The following DIPK2B variants were observed in gnomAD, a reference collection of about 807,000 sequenced individuals.
DIPK2B encodes the protein divergent protein kinase domain 2B, also known as UPF0672 protein CXorf36.
Under a neutral mutation model 22.2 loss-of-function variants are expected in DIPK2B, and 15 were observed. The ratio of observed to expected loss-of-function variants is 0.68; its 90% confidence interval spans 0.45 to 1.04. DIPK2B has a LOEUF of 1.04. Ranked by LOEUF, DIPK2B falls within the 50% of genes least tolerant of loss-of-function variation. The probability of loss-of-function intolerance (pLI) is 0.00; values close to 1 mark genes in which losing one functional copy is unlikely to be tolerated. For synonymous variants in DIPK2B, 163 were observed against 153.2 expected (o/e 1.06, Z -0.47); for missense variants, 345 against 348.3 (o/e 0.99, Z 0.08).
intron 4 of DIPK2B, among the ~76,000 whole-genome samples, chrX:45,152,411 A>G (rs2046966848): frequency 9.0e-6 from 1 of 110,510 alleles, no homozygotes; most frequent in Non-Finnish European, 1.9e-5. Context: ...TTTCCCTGTC[A>G]CCAGGAGATT....
At chrX:45,174,200 C>A (rs143459979) in intron 2 of DIPK2B, among the ~76,000 whole-genome samples, 1 of 111,634 alleles carries the variant, frequency 9.0e-6, no homozygotes, top group Non-Finnish European at 1.9e-5. Flanking sequence ...GGGACTCTTC[C>A]GTCAAACCAA....
rs1327264096 is a variant in DIPK2B at position 45,162,549 on chromosome X, G to A, written c.499-4661C>T. The A allele has an allele frequency of 8.0e-6, 6 of 752,190 alleles. No individual in the cohort carries two copies. In the South Asian group the frequency reaches 2.0e-4, roughly 26 times the overall value. 62.0% of individuals were successfully genotyped at this position (752,190 alleles called of 1,213,427 possible). ...CATGTGCAAACCCACAATTATATTG[G>A]CCAATGGCAAACAGAATTGGGAAAC... On this transcript the variant is annotated intron_variant, in intron 2 of 4. Transcript: ENST00000398000.
At chrX:45,185,000 T>C (rs2047174328) in intron 2 of DIPK2B, among the ~76,000 whole-genome samples, 1 of 112,222 alleles carries the variant, frequency 8.9e-6, no homozygotes, top group Non-Finnish European at 1.9e-5. Context: ...TCTTTAATAT[T>C]TCTACTTTAA....
intron 4 of DIPK2B, among the ~76,000 whole-genome samples, chrX:45,153,171 A>G (rs1464343144): frequency 9.0e-6 from 1 of 111,686 alleles, no homozygotes; most frequent in Admixed American, 9.6e-5. Context: ...AAACAAAATC[A>G]GAAATTAGAA....
intron 2 of DIPK2B, among the ~76,000 whole-genome samples, chrX:45,176,155 A>C (rs749296740): frequency 2.5e-4 from 28 of 110,786 alleles, no homozygotes; most frequent in Non-Finnish European, 4.9e-4. Flanking sequence ...AACAGACAAC[A>C]AAAAGGTAGG....
At position 45,173,059 on chromosome X, in the gene DIPK2B, T is replaced by C. The variant is rs139038648; in HGVS notation, c.499-15171A>G. Among the ~76,000 whole-genome samples the C allele has an allele frequency of 8.5e-4, 95 of 111,671 alleles. 1 individual carries two copies. The highest frequency in any genetic ancestry group is 7.2e-3 in the Admixed American group (76 of 10,486). Reference sequence around the variant, plus strand: ...CCCTAGCCCTTCTGTTGAGATTGCATCACCTGTATGAGTCAGGGTTCAATC... The same window carrying C: ...CCCTAGCCCTTCTGTTGAGATTGCACCACCTGTATGAGTCAGGGTTCAATC... On this transcript the variant is annotated intron_variant, in intron 2 of 4. Coordinates refer to ENST00000398000, the MANE Select transcript of DIPK2B (RefSeq NM_176819.4).
rs1267858377 is a variant in DIPK2B at position 45,163,511 on chromosome X, C to T, written c.499-5623G>A. On this transcript the variant is annotated intron_variant, in intron 2 of 4. Transcript: ENST00000398000. ...AGGAGAAGTAGCTTCCCCAAGGAGT[C>T]ATTTGACCTGCGATTGGCTTTCATC... The T allele has an allele frequency of 1.1e-5, 8 of 754,198 alleles. No individual in the cohort carries two copies. In the South Asian group the frequency reaches 2.0e-4, roughly 19 times the overall value. The allele number at this position is 754,198 out of a possible 1,213,427, so 62.2% of individuals were successfully genotyped here. A position where few individuals can be genotyped will look rare whatever the true frequency, so the allele number is the denominator to read the frequency against.
At chrX:45,187,217 C>A (rs1234036624) in intron 2 of DIPK2B, among the ~76,000 whole-genome samples, 1 of 111,582 alleles carries the variant, frequency 9.0e-6, no homozygotes, top group East Asian at 2.8e-4. Context: ...ATGTGTTTTC[C>A]CCTGATTAGC....
chrX:45,152,981 A>G (rs922434011), intron 4 of DIPK2B, among the ~76,000 whole-genome samples: 2 of 112,096 alleles, frequency 1.8e-5, no homozygotes, highest in Non-Finnish European at 3.8e-5. Flanking sequence ...GTTAGGAGAA[A>G]AAACAAGTAA....
rs2047214111 is a variant in DIPK2B, at chrX:45,191,980, G to A, written c.269C>T (p.Pro90Leu). ...DNWLASHLGL[P>L]PDSLLSYPAN... ...AGGATAAGAAAGCAAGGAATCGGGA[G>A]GCAGTCCAAGGTGGGAAGCCAGCCA... Residue 90 changes from proline to leucine, a missense_variant, in exon 2 of 5, where the codon CCT (proline) becomes CTT (leucine). Physicochemically the swap from Pro to Leu is moderately conservative, Grantham distance 98. Transcript: ENST00000398000. 1 of 1,209,595 alleles carries A rather than the reference G, an allele frequency of 8.3e-7. No individual in the cohort carries two copies. The highest frequency in any genetic ancestry group is 1.7e-5 in the African/African-American group (1 of 57,313).
In DIPK2B at chrX:45,180,018, A is replaced by C. The variant is rs775535935; in HGVS notation, c.498+11733T>G. Reference sequence around the variant, plus strand: ...ATCACAATGCTTGTTCATTGCCCAGAAAGAGTGTGTGAGCAAGTCCCCCCA... The same window carrying C: ...ATCACAATGCTTGTTCATTGCCCAGCAAGAGTGTGTGAGCAAGTCCCCCCA... On this transcript the variant is annotated intron_variant, in intron 2 of 4. Transcript: ENST00000398000. 6.3e-5 allele frequency among the ~76,000 whole-genome samples: 7 copies of C among 111,656 alleles called. No individual in the cohort carries two copies. In the South Asian group the frequency reaches 2.6e-3, roughly 42 times the overall value.
chrX:45,163,604 T>C, intron 2 of DIPK2B: 1 of 754,200 alleles, frequency 1.3e-6, no homozygotes, highest in Non-Finnish European at 1.6e-6. Flanking sequence ...AAAGAGTTCT[T>C]ACCAGAATGG....
At chrX:45,189,434 T>C (rs2047199645) in intron 2 of DIPK2B, among the ~76,000 whole-genome samples, 1 of 111,031 alleles carries the variant, frequency 9.0e-6, no homozygotes. Context: ...GCCAATATGG[T>C]GAAACTCTGT....
chrX:45,165,006 G>A (rs2047040702), intron 2 of DIPK2B, among the ~76,000 whole-genome samples: 1 of 111,241 alleles, frequency 9.0e-6, no homozygotes, highest in African/African-American at 3.3e-5. Flanking sequence ...TTTCAGAATC[G>A]CACAGTGTGT....
chrX:45,168,034 C>A (rs963252062), intron 2 of DIPK2B, among the ~76,000 whole-genome samples: 2 of 112,608 alleles, frequency 1.8e-5, no homozygotes, highest in Non-Finnish European at 3.7e-5. Flanking sequence ...AAAGTTGACA[C>A]CTCATAACTC....
chrX:45,167,539 T>C, intron 2 of DIPK2B, among the ~76,000 whole-genome samples: 2 of 105,244 alleles, frequency 1.9e-5, no homozygotes, highest in Admixed American at 2.0e-4. Context: ...CATCTCACAA[T>C]TGTTTTCCTA....
At chrX:45,152,902 GC>G (rs1237787937) in intron 4 of DIPK2B, among the ~76,000 whole-genome samples, 7 of 111,863 alleles carry the variant, frequency 6.3e-5, no homozygotes, top group Admixed American at 5.7e-4. Context: ...CTGCACTCCA[GC>G]CTGGGCGACA....
At chrX:45,154,711 A>G (rs188181080) in intron 3 of DIPK2B, among the ~76,000 whole-genome samples, 1 of 112,462 alleles carries the variant, frequency 8.9e-6, no homozygotes, top group Admixed American at 9.5e-5. Flanking sequence ...TGCATAGTTG[A>G]AACAAATAGG....
intron 2 of DIPK2B, among the ~76,000 whole-genome samples, chrX:45,159,614 G>A (rs953363319): frequency 1.8e-5 from 2 of 111,292 alleles, no homozygotes; most frequent in Non-Finnish European, 3.8e-5. Flanking sequence ...AACAAAACAG[G>A]ACCTGCCCTC....
Sources: allele counts gnomAD v4.1 joint callset (sites outside exome capture counted in the v4.1 genomes callset), GRCh38; gene constraint gnomAD v4.1.1; transcripts MANE v1.5; gene names NCBI Gene and HGNC (gene_info 2026-07-23, HGNC 2026-07-21).